The following HNRNPM variants were observed in gnomAD, a reference collection of about 807,000 sequenced individuals.
HNRNPM encodes the protein heterogeneous nuclear ribonucleoprotein M, also known as CEA receptor.
A neutral mutation model predicts 73.1 loss-of-function variants in HNRNPM; 11 were observed. The observed-to-expected ratio is 0.15, with a 90% CI of 0.09 to 0.25. HNRNPM has a LOEUF of 0.25. HNRNPM is among the 10% of genes least tolerant of loss of function. HNRNPM has a pLI of 1.00. For synonymous variants in HNRNPM, 407 were observed against 355.2 expected, an observed-to-expected ratio of 1.15 and a Z score of -1.64; for missense variants, 789 against 1,067.9, an observed-to-expected ratio of 0.74 and a Z score of 3.64.
chr19:8,445,142 A>G, intron 1 of HNRNPM, 31 bp downstream of exon 1: 1 of 1,364,228 alleles, frequency 7.3e-7, no homozygotes, highest in Non-Finnish European at 9.5e-7. Context: ...TGCCACGGGT[A>G]AGGGTTCCTC....
At chr19:8,482,250 C>A (rs577371451) in intron 12 of HNRNPM, among the ~76,000 whole-genome samples, 2 of 152,188 alleles carry the variant, frequency 1.3e-5, no homozygotes, top group African/African-American at 4.8e-5. Flanking sequence ...AGCTACTGCG[C>A]GGCCGGGGGA....
Position 8,486,333 on chromosome 19 carries a change from A to G in HNRNPM, c.1905A>G (p.Ala635=), listed in dbSNP as rs1971306375. ...GTGGCAACTTCGGAGGAAGCTTCGC[A>G]GGTTCCTTTGGTGGAGCTGGAGGCC... ...MERGNFGGSF[A]GSFGGAGGHA... Residue 635 remains alanine, a synonymous_variant, in exon 14 of 16, where the codon GCA becomes GCG. Coordinates refer to ENST00000325495, the MANE Select transcript of HNRNPM (RefSeq NM_005968.5). The G allele has an allele frequency of 1.3e-6, 2 of 1,599,376 alleles. No homozygotes were observed. The highest frequency in any genetic ancestry group is 1.7e-6 in the Non-Finnish European group (2 of 1,179,684).
At chr19:8,464,232 G>A (rs1419047564) in intron 5 of HNRNPM, among the ~76,000 whole-genome samples, 1 of 91,810 alleles carries the variant, frequency 1.1e-5, no homozygotes. Flanking sequence ...GCAACAGTGA[G>A]ACCCTGTCTA....
chr19:8,448,205 G>C (rs1968349653), intron 1 of HNRNPM, among the ~76,000 whole-genome samples: 1 of 152,112 alleles, frequency 6.6e-6, no homozygotes, highest in Non-Finnish European at 1.5e-5. Flanking sequence ...GTGTGCAGTA[G>C]ACCACAAATG....
At chr19:8,483,314 C>T (rs916380767) in intron 13 of HNRNPM, 103 bp downstream of exon 13, 19 of 860,792 alleles carry the variant, frequency 2.2e-5, no homozygotes, top group Middle Eastern at 2.2e-4. Flanking sequence ...ACACAGACTG[C>T]CCGGGGTGGG....
intron 1 of HNRNPM, among the ~76,000 whole-genome samples, chr19:8,448,273 C>T (rs1968353870): frequency 6.6e-6 from 1 of 152,098 alleles, no homozygotes; most frequent in Non-Finnish European, 1.5e-5. Flanking sequence ...TTTGCAGTTA[C>T]TTCTCTCCTG....
intron 12 of HNRNPM, among the ~76,000 whole-genome samples, chr19:8,479,550 G>A (rs1375294077): frequency 1.4e-4 from 21 of 151,950 alleles, no homozygotes; most frequent in Admixed American, 1.3e-3. Context: ...GTAGCAGGCT[G>A]AAGCAATCCT....
chr19:8,458,186 C>T (rs1969154884), intron 2 of HNRNPM, among the ~76,000 whole-genome samples: 1 of 152,134 alleles, frequency 6.6e-6, no homozygotes, highest in South Asian at 2.1e-4. Context: ...ATCCTCTTCC[C>T]CATCTTTCAT....
intron 5 of HNRNPM, 67 bp downstream of exon 5, chr19:8,463,753 G>GA: frequency 9.1e-7 from 1 of 1,094,600 alleles, no homozygotes; most frequent in Non-Finnish European, 1.4e-6. Context: ...TGGAATTAGG[G>GA]AAAGACGGTC....
intron 1 of HNRNPM, among the ~76,000 whole-genome samples, chr19:8,452,547 G>A (rs989844217): frequency 1.1e-4 from 17 of 152,178 alleles, no homozygotes; most frequent in African/African-American, 4.1e-4. Context: ...TAGGTCTCCT[G>A]TGGGACCTGC....
At chr19:8,467,619 A>C in intron 8 of HNRNPM, 35 bp downstream of exon 8, 1 of 1,443,306 alleles carries the variant, frequency 6.9e-7, no homozygotes, top group Non-Finnish European at 9.8e-7. Context: ...TGATATACTC[A>C]AGTCTAGCAA....
chr19:8,449,145 A>G (rs1383671815), intron 1 of HNRNPM, among the ~76,000 whole-genome samples: 1 of 152,252 alleles, frequency 6.6e-6, no homozygotes, highest in Non-Finnish European at 1.5e-5. Context: ...GAGACACGTC[A>G]GATTGTGAGC....
At position 8,465,503 on chromosome 19, in the gene HNRNPM, A is replaced by G. The variant is rs1333958863; in HGVS notation, c.618A>G (p.Val206=). Residue 206 remains valine, a synonymous_variant, in exon 6 of 16, where the codon GTA becomes GTG. Transcript: ENST00000325495. ...AGGCTGGAAGACTTGGAAGCACAGT[A>G]TTTGTAGCAAATGTAAGTAAACAGA... The part of the protein sequence containing the change: ...ALQAGRLGST[V]FVANLDYKVG... The G allele has an allele frequency of 1.2e-6, 2 of 1,605,024 alleles. No individual in the cohort carries two copies. The highest frequency in any genetic ancestry group is 2.7e-5 in the African/African-American group (2 of 74,654).
chr19:8,477,280 A>C (rs970503568), intron 12 of HNRNPM, among the ~76,000 whole-genome samples: 3 of 152,196 alleles, frequency 2.0e-5, no homozygotes, highest in Non-Finnish European at 4.4e-5. Flanking sequence ...AGAAGTGGCC[A>C]GCAGTAGGAA....
At chr19:8,445,930 C>T (rs1968143679) in intron 1 of HNRNPM, among the ~76,000 whole-genome samples, 1 of 152,226 alleles carries the variant, frequency 6.6e-6, no homozygotes, top group Non-Finnish European at 1.5e-5. Flanking sequence ...CAGACTTCAT[C>T]AGCTTTTCGA....
At position 8,486,065 on chromosome 19, in the gene HNRNPM, C is replaced by A. The variant is rs770814500; in HGVS notation, c.1637C>A (p.Pro546His). 6.2e-7 allele frequency: 1 copy of A among 1,605,020 alleles called. No individual in the cohort carries two copies. The highest frequency in any genetic ancestry group is 1.3e-5 in the African/African-American group (1 of 74,248). The stretch of plus-strand genomic sequence containing the variant: ...GGAGCTGGCCTGGAGCGCATGGGCC[C>A]CGTGATGGATCGCATGGCCACCGGC... Reference protein sequence around the residue: ...GMGAGLERMGPVMDRMATGLE... With the variant: ...GMGAGLERMGHVMDRMATGLE... Residue 546 changes from proline (P) to histidine (H), a missense_variant, in exon 14 of 16, where the codon CCC (proline) becomes CAC (histidine). Around this residue, in one of 4 missense-constraint regions of HNRNPM, gnomAD observed 604 missense variants for 744.0 expected, o/e 0.81. Transcript: ENST00000325495.
chr19:8,475,317 G>T (rs1266404652), intron 12 of HNRNPM, among the ~76,000 whole-genome samples: 6 of 152,364 alleles, frequency 3.9e-5, no homozygotes, highest in Non-Finnish European at 4.4e-5. Flanking sequence ...ATGAGAAATT[G>T]TAAATTTTCC....
chr19:8,483,068 G>A lies in HNRNPM; in HGVS notation c.1121-90G>A, dbSNP rs1971033312. 5.3e-5 allele frequency: 41 copies of A among 772,914 alleles called. 1 individual carries two copies. The South Asian group carries it at 6.3e-4, about 12-fold the overall frequency. 47.9% of individuals were successfully genotyped at this position (772,914 alleles called of 1,614,324 possible). A position where few individuals can be genotyped will look rare whatever the true frequency, so the allele number is the denominator to read the frequency against. On this transcript the variant is annotated intron_variant, in intron 12 of 15. Transcript: ENST00000325495. ...TCCCTTTATCTTGTCATTTTTATTA[G>A]TAGTATTTCTACTCTGGAATCTGTA...
intron 2 of HNRNPM, among the ~76,000 whole-genome samples, chr19:8,461,442 A>T (rs1176466947): frequency 6.6e-6 from 1 of 152,128 alleles, no homozygotes; most frequent in Admixed American, 6.5e-5. Flanking sequence ...ACAAAAGCCC[A>T]TTTTTTGCCT....
Sources: allele counts gnomAD v4.1 joint callset (sites outside exome capture counted in the v4.1 genomes callset), GRCh38; gene constraint gnomAD v4.1.1; regional missense constraint gnomAD v4.1.1; transcripts MANE v1.5; gene names NCBI Gene and HGNC (gene_info 2026-07-23, HGNC 2026-07-21).